SLC37A1: variants seen among roughly 807,000 people sequenced by gnomAD.
SLC37A1 encodes the protein solute carrier family 37 member 1.
In SLC37A1, 49 loss-of-function variants were observed where a neutral mutation model predicts 75.3. The ratio of observed to expected loss-of-function variants is 0.65; its 90% CI spans 0.52 to 0.83. The LOEUF is 0.83. SLC37A1 is among the 40% of genes least tolerant of loss of function. SLC37A1 has a pLI of 0.00. For missense variants in SLC37A1, 566 were observed against 695.0 expected (o/e 0.81, Z 2.09); for synonymous variants, 268 against 292.1 (o/e 0.92, Z 0.84).
intron 5 of SLC37A1, 112 bp downstream of exon 5, chr21:42,535,662 C>A: frequency 1.1e-6 from 1 of 882,870 alleles, no homozygotes; most frequent in Non-Finnish European, 1.9e-6. Context: ...CCCCCGCTTG[C>A]CACTGGCTTC....
chr21:42,563,794 A>G (rs747803830), intron 12 of SLC37A1, 21 bp from the exon 13 acceptor site: 54 of 1,613,640 alleles, frequency 3.3e-5, no homozygotes, highest in Admixed American at 1.0e-4. Context: ...ACTGTTTCAC[A>G]CTCCGTTGTC....
chr21:42,562,549 C>G (rs897619317), intron 12 of SLC37A1, among the ~76,000 whole-genome samples: 20 of 152,166 alleles, frequency 1.3e-4, no homozygotes, highest in African/African-American at 4.6e-4. Flanking sequence ...ATACTCTGAC[C>G]TGGAAATGGC....
intron 9 of SLC37A1, among the ~76,000 whole-genome samples, chr21:42,550,731 A>G (rs1396797729): frequency 2.0e-5 from 3 of 152,180 alleles, no homozygotes; most frequent in Non-Finnish European, 4.4e-5. Context: ...ATTATTTACC[A>G]TGATCAAGTG....
In SLC37A1 at chr21:42,568,855, T is replaced by C. The variant is rs144314589; in HGVS notation, c.1423+417T>C. 9.2e-5 allele frequency among the ~76,000 whole-genome samples: 14 copies of C among 152,358 alleles called. No homozygotes were observed. In the East Asian group the frequency reaches 2.7e-3, roughly 29 times the overall value. On this transcript the variant is annotated intron_variant, in intron 17 of 19. Transcript: ENST00000352133. The stretch of plus-strand genomic sequence containing the variant: ...CTCTTGAAGAGAATTCAGTGGCATA[T>C]TCTGGAATTTAAAAAGGTGGCAGAA...
In SLC37A1 at chr21:42,567,043, C is replaced by A. The variant is rs527994320; in HGVS notation, c.1329C>A (p.Ala443=). 6.2e-7 allele frequency: 1 copy of A among 1,609,388 alleles called. No individual in the cohort carries two copies. Among genetic ancestry groups the A allele is most frequent in the South Asian group, 1.1e-5 (1 of 91,004 alleles). ...VSGPYTLITT[A]VSADLGTHKS... ...GGCCCTACACACTCATCACCACCGCCGTCTCCGCCGACCTGGTGAGTAGAA... is the reference window on the plus strand; with the variant it reads ...GGCCCTACACACTCATCACCACCGCAGTCTCCGCCGACCTGGTGAGTAGAA... Residue 443 remains alanine (A), a synonymous_variant, in exon 16 of 20, where the codon GCC becomes GCA. Coordinates refer to ENST00000352133, the MANE Select transcript of SLC37A1 (RefSeq NM_001320537.2).
In SLC37A1 at chr21:42,574,917, T is replaced by TA; in HGVS notation, c.1521+4dup. 6.2e-7 allele frequency: 1 copy of TA among 1,614,106 alleles called. No individual in the cohort carries two copies. The highest frequency in any genetic ancestry group is 8.5e-7 in the Non-Finnish European group (1 of 1,179,966). On this transcript the variant is annotated splice_region_variant and intron_variant, in intron 18 of 19. Transcript: ENST00000352133. The stretch of plus-strand genomic sequence containing the variant: ...TTTGCAGATGCCTGTGCCTTACTGG[T>TA]AAGTCGGCCTATTTTTAGTCCAATC...
intron 18 of SLC37A1, chr21:42,575,568 A>G (rs752031682): frequency 4.5e-5 from 44 of 985,260 alleles, no homozygotes; most frequent in Non-Finnish European, 5.2e-5. Context: ...ATGATGTCAC[A>G]GTCACATAGA....
At chr21:42,570,261 A>C (rs2056118846) in intron 17 of SLC37A1, among the ~76,000 whole-genome samples, 1 of 131,058 alleles carries the variant, frequency 7.6e-6, no homozygotes, top group Non-Finnish European at 1.7e-5. Flanking sequence ...TGGTTCTGAG[A>C]AGCGGCAGGC....
In SLC37A1 at chr21:42,566,975, C is replaced by T; in HGVS notation, c.1271-10C>T. On this transcript the variant is annotated splice_polypyrimidine_tract_variant and intron_variant, in intron 15 of 19. Coordinates refer to ENST00000352133, the MANE Select transcript of SLC37A1 (RefSeq NM_001320537.2). ...CACATTTCCATTCTTTGCCCCTCTGCCTCCCACAGCCATGCTGCTGCTCAG... is the reference window on the plus strand; with the variant it reads ...CACATTTCCATTCTTTGCCCCTCTGTCTCCCACAGCCATGCTGCTGCTCAG... The T allele has an allele frequency of 6.2e-7, 1 of 1,604,684 alleles. No homozygotes were observed. Among genetic ancestry groups the T allele is most frequent in the Non-Finnish European group, 8.5e-7 (1 of 1,179,550 alleles).
Position 42,545,784 on chromosome 21 carries a change from T to C in SLC37A1, c.731-1319T>C, listed in dbSNP as rs752351417. On this transcript the variant is annotated intron_variant, in intron 8 of 19. Transcript: ENST00000352133. The surrounding 1 kb of genome is among the most constrained non-coding windows in gnomAD (Gnocchi z 4.0). ...GTGACCATACATCACAGGTGGACCA[T>C]TGGGACTGCCCAACATGCCGACCAT... Among the ~76,000 whole-genome samples the C allele has an allele frequency of 6.6e-6, 1 of 152,232 alleles. No homozygotes were observed. The highest frequency in any genetic ancestry group is 6.5e-5 in the Admixed American group (1 of 15,286).
Position 42,562,126 on chromosome 21 carries a change from T to C in SLC37A1, c.1030T>C (p.Tyr344His), listed in dbSNP as rs1330470201. ...LCLLFAKLVSYTFLFWLPLYI... is the reference protein window; with the variant it reads ...LCLLFAKLVSHTFLFWLPLYI... ...TCTGCTGTTTGCCAAGCTGGTCAGC[T>C]ATACTTTCCTCTTCTGGCTGCCCCT... The change falls in exon 12 of 20, where the codon TAT (tyrosine) becomes CAT (histidine). Residue 344 changes from tyrosine to histidine, a missense_variant. By Grantham distance (83) the Tyr-to-His change is moderately conservative. Coordinates refer to ENST00000352133, the MANE Select transcript of SLC37A1 (RefSeq NM_001320537.2). 5 of 1,614,122 alleles carry C rather than the reference T, an allele frequency of 3.1e-6. No individual in the cohort carries two copies. Among genetic ancestry groups the C allele is most frequent in the Non-Finnish European group, 4.2e-6 (5 of 1,180,046 alleles).
intron 5 of SLC37A1, among the ~76,000 whole-genome samples, chr21:42,537,650 C>G (rs1430920405): frequency 6.6e-6 from 1 of 152,154 alleles, no homozygotes; most frequent in East Asian, 1.9e-4. Context: ...ACAGAATTAC[C>G]GGAGCCAAAG....
intron 12 of SLC37A1, among the ~76,000 whole-genome samples, 200 bp downstream of exon 12, chr21:42,562,368 T>C (rs2055852034): frequency 6.6e-6 from 1 of 152,196 alleles, no homozygotes; most frequent in African/African-American, 2.4e-5. Context: ...AATGGTAAAC[T>C]TTATGGGGCT....
chr21:42,573,322 G>A (rs768806736), intron 17 of SLC37A1, among the ~76,000 whole-genome samples: 3 of 118,572 alleles, frequency 2.5e-5, no homozygotes, highest in African/African-American at 3.5e-5. Flanking sequence ...TTCCCACTGC[G>A]TTCCTCCTTC....
chr21:42,520,383 T>G (rs141393022), intron 2 of SLC37A1, among the ~76,000 whole-genome samples: 1 of 152,310 alleles, frequency 6.6e-6, no homozygotes, highest in South Asian at 2.1e-4. Context: ...CTTGTTGTGT[T>G]TGAAGAGTTC....
At chr21:42,541,503 C>T (rs925148315) in intron 6 of SLC37A1, among the ~76,000 whole-genome samples, 3 of 152,178 alleles carry the variant, frequency 2.0e-5, no homozygotes, top group African/African-American at 4.8e-5. Flanking sequence ...GACGCTAGAG[C>T]GTCCTCAGCA....
chr21:42,578,210 C>T (rs566383022), intron 18 of SLC37A1, among the ~76,000 whole-genome samples: 1 of 152,340 alleles, frequency 6.6e-6, no homozygotes, highest in South Asian at 2.1e-4. Flanking sequence ...AGCTCCAGGG[C>T]CTGCAGGACT....
intron 14 of SLC37A1, 21 bp from the exon 15 acceptor site, chr21:42,565,806 C>T: frequency 6.2e-7 from 1 of 1,612,374 alleles, no homozygotes; most frequent in Non-Finnish European, 8.5e-7. Flanking sequence ...TGGCTTTGAC[C>T]TTGTGTCTTG....
At chr21:42,512,233 G>C (rs1488746772), upstream of SLC37A1, among the ~76,000 whole-genome samples, 1 of 105,878 alleles carries the variant, frequency 9.4e-6, no homozygotes, top group African/African-American at 3.7e-5. Context: ...TGGGGGGGAG[G>C]GGGGGTGGGA....
Sources: gnomAD v4.1 joint callset for allele counts (sites outside exome capture counted in the v4.1 genomes callset) on GRCh38, gnomAD v4.1.1 for gene constraint, Gnocchi (gnomAD v3.1) non-coding constraint, MANE v1.5 for transcripts, NCBI Gene and HGNC (gene_info 2026-07-23, HGNC 2026-07-21) for gene names.